CLEC4C: variants seen among roughly 807,000 people sequenced by gnomAD.
CLEC4C encodes the protein C-type lectin domain family 4 member C.
In CLEC4C, 17 loss-of-function variants were observed where a neutral mutation model predicts 27.7. The ratio of observed to expected loss-of-function variants is 0.61; its 90% confidence interval spans 0.42 to 0.92. The LOEUF is 0.92. CLEC4C is among the 40% of genes least tolerant of loss of function. The pLI, the probability that CLEC4C is intolerant of heterozygous loss-of-function variation, is 0.00. For missense variants in CLEC4C, 244 were observed against 257.3 expected, an observed-to-expected ratio of 0.95 and a Z score of 0.35; for synonymous variants, 80 against 80.8, an observed-to-expected ratio of 0.99 and a Z score of 0.06.
intron 2 of CLEC4C, among the ~76,000 whole-genome samples, chr12:7,744,168 A>G (rs2120433632): frequency 1.3e-5 from 2 of 152,346 alleles, no homozygotes; most frequent in South Asian, 4.1e-4. Flanking sequence ...TTCAAGTGAT[A>G]GTTGTCCCTT....
At position 7,729,453 on chromosome 12, in the gene CLEC4C, A is replaced by T; in HGVS notation, c.*143T>A. ...ATAAATGAATGTGTGAATGGATTAT[A>T]TCATAAGTGTAATAGGTGACAGCCT... On this transcript the variant is annotated 3_prime_UTR_variant, in exon 6 of 6. Transcript: ENST00000360345. 1.5e-6 allele frequency: 1 copy of T among 652,246 alleles called. No homozygotes were observed. Among genetic ancestry groups the T allele is most frequent in the Non-Finnish European group, 2.6e-6 (1 of 381,888 alleles). The allele number at this position is 652,246 out of a possible 1,614,324, so 40.4% of individuals were successfully genotyped here.
rs114465563 is a variant in CLEC4C, at chr12:7,729,524, A to G, written c.*72T>C. ...TTCCTTGTACAAAACTTACACATAA[A>G]TTAAAAAATCAATTTAGCTTTCTAC... On this transcript the variant is annotated 3_prime_UTR_variant, in exon 6 of 6. Coordinates refer to ENST00000360345, the MANE Select transcript of CLEC4C (RefSeq NM_001371390.1). The G allele has an allele frequency of 1.9e-3, 2,773 of 1,451,278 alleles. 51 individuals are homozygous for G. The African/African-American group carries it at 0.033, about 18-fold the overall frequency. 89.9% of individuals were successfully genotyped at this position (1,451,278 alleles called of 1,614,324 possible).
At chr12:7,745,264 C>T (rs995330335) in intron 2 of CLEC4C, among the ~76,000 whole-genome samples, 5 of 151,936 alleles carry the variant, frequency 3.3e-5, no homozygotes, top group African/African-American at 1.2e-4. Context: ...GACGAGCTAG[C>T]ACTCCCTCCA....
chr12:7,729,877 C>T (rs899761592), intron 5 of CLEC4C, 137 bp from the exon 6 acceptor site: 12 of 731,880 alleles, frequency 1.6e-5, no homozygotes, highest in Non-Finnish European at 1.8e-5. Context: ...TCTGCTGCCA[C>T]GTTTTGTAAA....
intron 2 of CLEC4C, among the ~76,000 whole-genome samples, chr12:7,741,914 G>A (rs1257714787): frequency 6.6e-6 from 1 of 152,058 alleles, no homozygotes; most frequent in African/African-American, 2.4e-5. Flanking sequence ...CGAGCTACTT[G>A]GGAGGCTGAG....
intron 3 of CLEC4C, among the ~76,000 whole-genome samples, chr12:7,739,781 C>T (rs1864813022): frequency 6.6e-6 from 1 of 151,928 alleles, no homozygotes; most frequent in African/African-American, 2.4e-5. Context: ...CGGAGCTCAA[C>T]TGATCCTCCC....
intron 4 of CLEC4C, among the ~76,000 whole-genome samples, chr12:7,733,609 G>A (rs916257240): frequency 1.3e-5 from 2 of 150,988 alleles, no homozygotes; most frequent in African/African-American, 4.9e-5. Flanking sequence ...AGCCTCCCGA[G>A]TAGCTGGAAC....
chr12:7,731,737 A>G (rs1322372050), intron 4 of CLEC4C, among the ~76,000 whole-genome samples: 1 of 152,038 alleles, frequency 6.6e-6, no homozygotes, highest in Non-Finnish European at 1.5e-5. Context: ...TTGCTTTCCT[A>G]TTTCTTTGCT....
At chr12:7,730,087 A>G (rs772935181) in intron 5 of CLEC4C, among the ~76,000 whole-genome samples, 4 of 152,282 alleles carry the variant, frequency 2.6e-5, no homozygotes, top group African/African-American at 7.2e-5. Flanking sequence ...CACAGAGTTA[A>G]ATGATTCAAA....
At chr12:7,734,329 G>C (rs1187029441) in intron 4 of CLEC4C, among the ~76,000 whole-genome samples, 1 of 152,072 alleles carries the variant, frequency 6.6e-6, no homozygotes, top group Admixed American at 6.6e-5. Flanking sequence ...TGAAAACTTT[G>C]TACGGTTAGG....
At chr12:7,739,507 G>A (rs1190857797) in intron 3 of CLEC4C, among the ~76,000 whole-genome samples, 1 of 151,998 alleles carries the variant, frequency 6.6e-6, no homozygotes, top group African/African-American at 2.4e-5. Flanking sequence ...GGTGGAACTT[G>A]TCTCCCTCCG....
intron 3 of CLEC4C, among the ~76,000 whole-genome samples, chr12:7,741,127 C>T (rs1864845021): frequency 6.6e-6 from 1 of 152,064 alleles, no homozygotes; most frequent in Admixed American, 6.6e-5. Flanking sequence ...CGCGCCCGGA[C>T]TTTTTTTGCA....
chr12:7,739,232 C>T (rs1008948614), intron 3 of CLEC4C, among the ~76,000 whole-genome samples: 1 of 151,866 alleles, frequency 6.6e-6, no homozygotes, highest in Non-Finnish European at 1.5e-5. Context: ...CCTGCCTCAG[C>T]CTCCGGAGTA....
chr12:7,744,458 A>G (rs977958651), intron 2 of CLEC4C, among the ~76,000 whole-genome samples: 3 of 152,188 alleles, frequency 2.0e-5, no homozygotes, highest in African/African-American at 7.2e-5. Context: ...TCTAATCATA[A>G]TATTAGATAA....
chr12:7,739,646 G>A (rs1864809518), intron 3 of CLEC4C, among the ~76,000 whole-genome samples: 1 of 151,852 alleles, frequency 6.6e-6, no homozygotes, highest in Non-Finnish European at 1.5e-5. Flanking sequence ...TTCATGGTTT[G>A]ATTTTACCAT....
chr12:7,735,177 G>A (rs1864694921), intron 4 of CLEC4C, among the ~76,000 whole-genome samples: 1 of 151,766 alleles, frequency 6.6e-6, no homozygotes, highest in East Asian at 2.0e-4. Context: ...CTCCAGCCTG[G>A]GGTGACAGAG....
rs1417090940 is a variant in CLEC4C, at chr12:7,746,227, A to AG, written c.124+103_124+104insC. ...AGATTCCGTCTCAAAAAAAAAAAAA[A>AG]AAAAAAGAAAAAAAAAGAAAGAGGA... On this transcript the variant is annotated intron_variant, in intron 2 of 5. Coordinates refer to ENST00000360345, the MANE Select transcript of CLEC4C (RefSeq NM_001371390.1). The AG allele has an allele frequency of 3.2e-4, 210 of 654,472 alleles. 1 individual carries two copies. The African/African-American group carries it at 4.0e-3, about 12-fold the overall frequency. The allele number at this position is 654,472 out of a possible 1,614,324, so 40.5% of individuals were successfully genotyped here. A position where few individuals can be genotyped will look rare whatever the true frequency, so the allele number is the denominator to read the frequency against.
Position 7,730,781 on chromosome 12 carries a change from C to T in CLEC4C, c.497+16G>A, listed in dbSNP as rs755751606. The T allele has an allele frequency of 4.4e-6, 6 of 1,360,812 alleles. No individual in the cohort carries two copies. In the South Asian group the frequency reaches 7.0e-5, roughly 16 times the overall value. 84.3% of individuals were successfully genotyped at this position (1,360,812 alleles called of 1,614,324 possible). ...ATGATCAGGACCCAGTGTCCTTTACCTCATTCTATACTCACGTGACATTTT... is the reference window on the plus strand; with the variant it reads ...ATGATCAGGACCCAGTGTCCTTTACTTCATTCTATACTCACGTGACATTTT... On this transcript the variant is annotated intron_variant, in intron 5 of 5. Transcript: ENST00000360345.
At chr12:7,741,391 G>C in intron 3 of CLEC4C, 30 bp downstream of exon 3, 3 of 1,159,038 alleles carry the variant, frequency 2.6e-6, no homozygotes, top group South Asian at 2.4e-5. Context: ...AATAGCAAGG[G>C]AAGTCTTGTT....
Sources: gnomAD v4.1 joint callset for allele counts (sites outside exome capture counted in the v4.1 genomes callset) on GRCh38, gnomAD v4.1.1 for gene constraint, MANE v1.5 for transcripts, NCBI Gene and HGNC (gene_info 2026-07-23, HGNC 2026-07-21) for gene names.